Variants in SOX5 observed in about 807,000 individuals in gnomAD.
SOX5 encodes transcription factor SOX-5.
Under a neutral mutation model 92.0 loss-of-function variants are expected in SOX5, and 9 were observed. The ratio of observed to expected loss-of-function variants is 0.10; its 90% CI spans 0.06 to 0.17. The LOEUF (loss-of-function observed/expected upper bound fraction) is 0.17, where lower values mean the gene tolerates loss of function less well. Ranked by LOEUF, SOX5 falls within the 10% of genes least tolerant of loss-of-function variation. The probability of loss-of-function intolerance (pLI) is 1.00; values close to 1 mark genes in which losing one functional copy is unlikely to be tolerated. For synonymous variants in SOX5, 344 were observed against 336.3 expected (o/e 1.02, Z -0.25); for missense variants, 642 against 944.5 (o/e 0.68, Z 4.20).
chr12:23,737,049 C>A (rs1307740440), intron 5 of SOX5, among the ~76,000 whole-genome samples: 2 of 151,816 alleles, frequency 1.3e-5, no homozygotes, highest in African/African-American at 2.4e-5. Context: ...AGGAAGATTA[C>A]CTTTTTCATT....
intron 4 of SOX5, among the ~76,000 whole-genome samples, chr12:24,022,524 T>C (rs1342797906): frequency 6.6e-6 from 1 of 152,128 alleles, no homozygotes; most frequent in East Asian, 1.9e-4. Context: ...CAATCAGAAT[T>C]GTGTAGCCAT....
chr12:23,582,481 C>A (rs984422885), intron 9 of SOX5, among the ~76,000 whole-genome samples: 3 of 152,144 alleles, frequency 2.0e-5, no homozygotes, highest in Non-Finnish European at 4.4e-5. Context: ...CTCGCGTAGC[C>A]ATCCCAACTC....
chr12:23,626,690 T>TTTA (rs1491142532), intron 8 of SOX5, among the ~76,000 whole-genome samples: 3 of 145,058 alleles, frequency 2.1e-5, no homozygotes, highest in East Asian at 3.9e-4. Context: ...TTTTTTTTTT[T>TTTA]ATCTTATCCC....
At chr12:24,419,755 T>C (rs543299969) in intron 1 of SOX5, among the ~76,000 whole-genome samples, 1 of 152,228 alleles carries the variant, frequency 6.6e-6, no homozygotes, top group Non-Finnish European at 1.5e-5. Flanking sequence ...ATATCTAGAA[T>C]GTATATGACA....
chr12:23,756,749 G>A (rs1254298224), intron 3 of SOX5, among the ~76,000 whole-genome samples: 1 of 151,932 alleles, frequency 6.6e-6, no homozygotes, highest in African/African-American at 2.4e-5. Flanking sequence ...TTATGTGTAT[G>A]TGTGTTTGTT....
At chr12:23,827,956 T>C (rs2096258501) in intron 3 of SOX5, among the ~76,000 whole-genome samples, 1 of 151,946 alleles carries the variant, frequency 6.6e-6, no homozygotes, top group Non-Finnish European at 1.5e-5. Context: ...CATTTGGGAA[T>C]TTATTATTAT....
chr12:23,877,230 C>CT (rs1044658744), intron 2 of SOX5, among the ~76,000 whole-genome samples: 7 of 151,188 alleles, frequency 4.6e-5, no homozygotes, highest in Admixed American at 1.3e-4. Context: ...TTTTCTTTTC[C>CT]TTTTTTTTGG....
At chr12:24,095,122 C>CAGAGAGAGAG (rs1375437943) in intron 4 of SOX5, among the ~76,000 whole-genome samples, 7,010 of 92,246 alleles carry the variant, frequency 0.076, 312 homozygotes, top group East Asian at 0.31. Context: ...CACACACACA[C>CAGAGAGAGAG]ACACACAGAG....
At chr12:24,232,256 T>G (rs983075210) in intron 3 of SOX5, among the ~76,000 whole-genome samples, 16 of 152,208 alleles carry the variant, frequency 1.1e-4, no homozygotes, top group Admixed American at 6.5e-5. Flanking sequence ...CAATATTCTC[T>G]AAAATTCTTA....
In SOX5 at chr12:24,446,501, C is replaced by T. The variant is rs184021924; in HGVS notation, c.-250-77862G>A. Among the ~76,000 whole-genome samples, 304 of 152,262 alleles carry T rather than the reference C, an allele frequency of 2.0e-3. 2 individuals are homozygous for T. The highest frequency in any genetic ancestry group is 0.016 in the Admixed American group (250 of 15,284). ...GCTAAAATACACTGAGGGAGGGATGCAAATCTTAAGAGATGAGATCAGAGA... is the reference window on the plus strand; with the variant it reads ...GCTAAAATACACTGAGGGAGGGATGTAAATCTTAAGAGATGAGATCAGAGA... On this transcript the variant is annotated intron_variant, in intron 1 of 4. Coordinates refer to the SOX5 transcript ENST00000446891.
At chr12:24,417,199 G>A (rs999951966) in intron 1 of SOX5, among the ~76,000 whole-genome samples, 1 of 152,210 alleles carries the variant, frequency 6.6e-6, no homozygotes, top group Non-Finnish European at 1.5e-5. Flanking sequence ...GACAGAGTGA[G>A]AGACTGATGC....
At chr12:24,401,929 G>A (rs1025404739) in intron 1 of SOX5, among the ~76,000 whole-genome samples, 3 of 151,996 alleles carry the variant, frequency 2.0e-5, no homozygotes, top group African/African-American at 7.3e-5. Context: ...ATGTATGTAT[G>A]TATTTAGAAT....
intron 2 of SOX5, among the ~76,000 whole-genome samples, chr12:24,280,711 G>A (rs1421444071): frequency 6.6e-6 from 1 of 152,050 alleles, no homozygotes; most frequent in Non-Finnish European, 1.5e-5. Flanking sequence ...CTACTGCTTG[G>A]TGTTTCACAT....
chr12:24,450,404 G>A (rs1483149954), intron 1 of SOX5, among the ~76,000 whole-genome samples: 2 of 151,942 alleles, frequency 1.3e-5, no homozygotes, highest in Non-Finnish European at 1.5e-5. Flanking sequence ...ATTTTGATAC[G>A]GACATACAAC....
intron 2 of SOX5, among the ~76,000 whole-genome samples, chr12:23,872,674 T>C (rs1029900593): frequency 6.6e-6 from 1 of 152,238 alleles, no homozygotes; most frequent in African/African-American, 2.4e-5. Flanking sequence ...TTTGCAAACA[T>C]AATAACATTT....
chr12:24,016,194 C>G (rs904222881), intron 4 of SOX5, among the ~76,000 whole-genome samples: 4 of 152,122 alleles, frequency 2.6e-5, no homozygotes, highest in African/African-American at 9.7e-5. Flanking sequence ...TACCCTCGTG[C>G]CTTGTCTGAA....
chr12:23,626,784 C>T (rs919106010), intron 8 of SOX5, among the ~76,000 whole-genome samples: 2 of 147,362 alleles, frequency 1.4e-5, no homozygotes, highest in African/African-American at 5.0e-5. Context: ...GGTTAAAAGA[C>T]ATGAGACCAG....
chr12:23,929,689 T>C (rs1940954207), intron 1 of SOX5, among the ~76,000 whole-genome samples: 1 of 151,948 alleles, frequency 6.6e-6, no homozygotes, highest in Non-Finnish European at 1.5e-5. Context: ...TAATCTATAC[T>C]TTTACAATTC....
intron 3 of SOX5, among the ~76,000 whole-genome samples, chr12:24,223,885 G>A (rs572508754): frequency 6.6e-6 from 1 of 152,344 alleles, no homozygotes; most frequent in African/African-American, 2.4e-5. Flanking sequence ...TATTGTTAGA[G>A]ATGCTTTTTC....
Sources: gnomAD v4.1 joint callset for allele counts (sites outside exome capture counted in the v4.1 genomes callset) on GRCh38, gnomAD v4.1.1 for gene constraint, MANE v1.5 for transcripts, NCBI Gene and HGNC (gene_info 2026-07-23, HGNC 2026-07-21) for gene names.